The following DIP2C variants were observed in gnomAD, a reference collection of about 807,000 sequenced individuals.
The protein encoded by DIP2C is disco-interacting protein 2 homolog C.
DIP2C carries 33 observed loss-of-function variants against 192.4 expected under a neutral mutation model. The observed-to-expected ratio is 0.17, with a 90% CI of 0.13 to 0.23. The LOEUF (loss-of-function observed/expected upper bound fraction) is 0.23, where lower values mean the gene tolerates loss of function less well. DIP2C is among the 10% of genes least tolerant of loss of function. DIP2C has a pLI of 1.00. For missense variants in DIP2C, 1,537 were observed against 2,110.1 expected, an observed-to-expected ratio of 0.73 and a Z score of 5.32; for synonymous variants, 979 against 864.1, an observed-to-expected ratio of 1.13 and a Z score of -2.33.
intron 1 of DIP2C, among the ~76,000 whole-genome samples, chr10:510,642 A>G (rs1267323547): frequency 6.6e-6 from 1 of 152,240 alleles, no homozygotes; most frequent in East Asian, 1.9e-4. Context: ...AAGCTGAACA[A>G]AACTCTATTG....
chr10:349,599 C>G lies in DIP2C; in HGVS notation c.2986-145G>C, dbSNP rs1267057616. On this transcript the variant is annotated intron_variant, in intron 24 of 36. Coordinates refer to ENST00000280886, the MANE Select transcript of DIP2C (RefSeq NM_014974.3). ...GCACAGACCTGTGCAACCAACATGA[C>G]AGTCAATTTTAGAACGTTTTTAGCC... is the stretch of plus-strand genomic sequence containing the variant. 1.9e-5 allele frequency: 22 copies of G among 1,137,392 alleles called. No homozygotes were observed. The East Asian group carries it at 5.3e-4, about 27-fold the overall frequency. 70.5% of individuals were successfully genotyped at this position (1,137,392 alleles called of 1,614,324 possible). A position where few individuals can be genotyped will look rare whatever the true frequency, so the allele number is the denominator to read the frequency against.
chr10:327,390 C>CAA (rs1353095303), intron 30 of DIP2C, among the ~76,000 whole-genome samples: 3 of 152,178 alleles, frequency 2.0e-5, no homozygotes, highest in Admixed American at 6.5e-5. Context: ...AATGGAATTA[C>CAA]AAACACGTCT....
At chr10:596,900 T>C (rs1441005826) in intron 1 of DIP2C, among the ~76,000 whole-genome samples, 1 of 152,236 alleles carries the variant, frequency 6.6e-6, no homozygotes, top group East Asian at 1.9e-4. Flanking sequence ...GACTGAGCAA[T>C]GCGCATAGTG....
At chr10:618,141 A>C (rs1418068323) in intron 1 of DIP2C, among the ~76,000 whole-genome samples, 2 of 152,268 alleles carry the variant, frequency 1.3e-5, no homozygotes, top group Admixed American at 1.3e-4. Flanking sequence ...TATCTTCAAC[A>C]GTTTGATTCA....
chr10:607,152 A>G (rs1852552327), intron 1 of DIP2C, among the ~76,000 whole-genome samples: 5 of 152,198 alleles, frequency 3.3e-5, no homozygotes, highest in Admixed American at 3.3e-4. Context: ...AAGTCCGCTG[A>G]GATTTCCAAA....
At position 619,541 on chromosome 10, in the gene DIP2C, G is replaced by GCCCTCCCACCCTCCCA. The variant is rs1554757195; in HGVS notation, c.85+69952_85+69953insTGGGAGGGTGGGAGGG. On this transcript the variant is annotated intron_variant, in intron 1 of 36. Coordinates refer to ENST00000280886, the MANE Select transcript of DIP2C (RefSeq NM_014974.3). ...GGGCCAGGACCAAGCCCGCCCGCCC[G>GCCCTCCCACCCTCCCA]CCCTCCCACCCAGCTCCTCACGCAC... Among the ~76,000 whole-genome samples, 199 of 67,960 alleles carry GCCCTCCCACCCTCCCA rather than the reference G, an allele frequency of 2.9e-3. 1 individual carries two copies. The highest frequency in any genetic ancestry group is 5.9e-3 in the East Asian group (13 of 2,206). 44.6% of individuals were successfully genotyped at this position (67,960 alleles called of 152,430 possible). A position where few individuals can be genotyped will look rare whatever the true frequency, so the allele number is the denominator to read the frequency against.
At chr10:519,642 T>A (rs1416995206) in intron 1 of DIP2C, among the ~76,000 whole-genome samples, 1 of 152,268 alleles carries the variant, frequency 6.6e-6, no homozygotes, top group Non-Finnish European at 1.5e-5. Flanking sequence ...AGCAGTCACC[T>A]ACACTGCCAC....
At chr10:419,842 G>T (rs1301570600) in intron 5 of DIP2C, among the ~76,000 whole-genome samples, 5 of 152,214 alleles carry the variant, frequency 3.3e-5, no homozygotes, top group Non-Finnish European at 7.3e-5. Context: ...TAAGGATCGT[G>T]TAAGGCCAAT....
In DIP2C at chr10:466,799, CCGT is replaced by C. The variant is rs1284163348; in HGVS notation, c.268+5637_268+5639del. 5.5e-4 allele frequency among the ~76,000 whole-genome samples: 80 copies of C among 145,126 alleles called. 3 individuals are homozygous for C. The highest frequency in any genetic ancestry group is 7.2e-4 in the South Asian group (3 of 4,186). Reference sequence around the variant, plus strand: ...ATGAAAAAATGCTCATCATCACTGGCCGTCAGAGAAATGCAAATCAAAACCACT... The same window carrying C: ...ATGAAAAAATGCTCATCATCACTGGCCAGAGAAATGCAAATCAAAACCACT... On this transcript the variant is annotated intron_variant, in intron 3 of 36. Coordinates refer to ENST00000280886, the MANE Select transcript of DIP2C (RefSeq NM_014974.3).
intron 2 of DIP2C, among the ~76,000 whole-genome samples, 172 bp downstream of exon 2, chr10:486,287 T>C (rs1367799619): frequency 6.6e-6 from 1 of 152,248 alleles, no homozygotes; most frequent in Non-Finnish European, 1.5e-5. Flanking sequence ...GTGCCTTGTA[T>C]ATTCACACAG....
intron 23 of DIP2C, 72 bp from the exon 24 acceptor site, chr10:356,578 C>G: frequency 7.7e-7 from 1 of 1,302,996 alleles, no homozygotes; most frequent in Non-Finnish European, 1.1e-6. Flanking sequence ...GGTGGGGCAA[C>G]CTGGATACTC....
chr10:615,202 C>T (rs972938314), intron 1 of DIP2C, among the ~76,000 whole-genome samples: 5 of 152,184 alleles, frequency 3.3e-5, no homozygotes, highest in South Asian at 2.1e-4. Flanking sequence ...GGTCCCTAGG[C>T]GGGCTGCTTC....
chr10:646,617 T>C (rs1358025606), intron 1 of DIP2C, among the ~76,000 whole-genome samples: 1 of 152,258 alleles, frequency 6.6e-6, no homozygotes, highest in African/African-American at 2.4e-5. Context: ...CACTTGGCTA[T>C]AACGTACATT....
At chr10:439,589 A>T (rs1302262929) in intron 4 of DIP2C, among the ~76,000 whole-genome samples, 1 of 152,158 alleles carries the variant, frequency 6.6e-6, no homozygotes, top group Non-Finnish European at 1.5e-5. Context: ...ATGACACTGA[A>T]TTCTGACCGT....
intron 1 of DIP2C, among the ~76,000 whole-genome samples, chr10:517,688 A>G (rs995733552): frequency 6.6e-6 from 1 of 152,318 alleles, no homozygotes; most frequent in East Asian, 1.9e-4. Flanking sequence ...TCAATACCAG[A>G]AACGTGTCAC....
chr10:393,093 C>A (rs1202364664), intron 10 of DIP2C, among the ~76,000 whole-genome samples: 2 of 152,004 alleles, frequency 1.3e-5, no homozygotes, highest in Non-Finnish European at 2.9e-5. Context: ...GGAAAGGTGG[C>A]GTCGGCCTCA....
chr10:323,503 G>A (rs1232620513), intron 31 of DIP2C, among the ~76,000 whole-genome samples: 1 of 152,214 alleles, frequency 6.6e-6, no homozygotes, highest in Non-Finnish European at 1.5e-5. Flanking sequence ...AGACACCCCC[G>A]TTTCCACACT....
chr10:578,451 CCT>C (rs1850322427), intron 1 of DIP2C, among the ~76,000 whole-genome samples: 1 of 152,144 alleles, frequency 6.6e-6, no homozygotes, highest in Admixed American at 6.5e-5. Context: ...TCACCAAGTC[CCT>C]GTTGTTTCGT....
chr10:674,732 G>A (rs1452230186), intron 1 of DIP2C, among the ~76,000 whole-genome samples: 1 of 141,752 alleles, frequency 7.1e-6, no homozygotes, highest in Non-Finnish European at 1.5e-5. Context: ...TTGCACCACT[G>A]CACTCCAGCC....
Sources: allele counts gnomAD v4.1 joint callset (sites outside exome capture counted in the v4.1 genomes callset), GRCh38; gene constraint gnomAD v4.1.1; transcripts MANE v1.5; gene names NCBI Gene and HGNC (gene_info 2026-07-23, HGNC 2026-07-21).